The following CCDC88C variants were observed in gnomAD, a reference collection of about 807,000 sequenced individuals.
CCDC88C encodes protein Daple.
A neutral mutation model predicts 198.8 loss-of-function variants in CCDC88C; 131 were observed. That is an observed-to-expected ratio of 0.66 (90% CI 0.57 to 0.76). The LOEUF (loss-of-function observed/expected upper bound fraction) is 0.76. Among genes scored for constraint, CCDC88C ranks in the 30% least tolerant of loss-of-function variants. The probability of loss-of-function intolerance (pLI) is 0.00; values close to 1 mark genes in which losing one functional copy is unlikely to be tolerated. For missense variants in CCDC88C, 2,553 were observed against 2,631.6 expected, an observed-to-expected ratio of 0.97 and a Z score of 0.65; for synonymous variants, 1,166 against 1,114.7, an observed-to-expected ratio of 1.05 and a Z score of -0.92.
At chr14:91,336,916 T>C (rs769606587) in intron 10 of CCDC88C, among the ~76,000 whole-genome samples, 1 of 152,222 alleles carries the variant, frequency 6.6e-6, no homozygotes, top group Non-Finnish European at 1.5e-5. Context: ...GAGAGGGCAA[T>C]ACGGTGCTCT....
At chr14:91,390,742 A>C (rs1209094715) in intron 3 of CCDC88C, among the ~76,000 whole-genome samples, 1 of 152,130 alleles carries the variant, frequency 6.6e-6, no homozygotes, top group Non-Finnish European at 1.5e-5. Flanking sequence ...GTTACAAAGA[A>C]AAAAAAACCC....
intron 4 of CCDC88C, among the ~76,000 whole-genome samples, chr14:91,354,641 G>A (rs1893963226): frequency 6.6e-6 from 1 of 152,168 alleles, no homozygotes; most frequent in Non-Finnish European, 1.5e-5. Context: ...GGTAACACCT[G>A]TCAGGGGCCC....
Position 91,275,480 on chromosome 14 carries a change from C to CTT in CCDC88C, c.5059-1829_5059-1828dup, listed in dbSNP as rs530413081. Among the ~76,000 whole-genome samples, 337 of 143,452 alleles carry CTT rather than the reference C, an allele frequency of 2.3e-3. 2 individuals carry two copies. Among genetic ancestry groups the CTT allele is most frequent in the African/African-American group, 8.3e-3 (327 of 39,194 alleles). 94.1% of individuals were successfully genotyped at this position (143,452 alleles called of 152,430 possible). A position where few individuals can be genotyped will look rare whatever the true frequency, so the allele number is the denominator to read the frequency against. On this transcript the variant is annotated intron_variant, in intron 29 of 29. Coordinates refer to ENST00000389857, the MANE Select transcript of CCDC88C (RefSeq NM_001080414.4). ...TGTTCAGTCCATTAGACCAGCAGTT[C>CTT]TTTTTTTTTTTTTTGGAGACAGAGT...
At chr14:91,397,069 T>C (rs1567121031) in intron 3 of CCDC88C, among the ~76,000 whole-genome samples, 1 of 151,768 alleles carries the variant, frequency 6.6e-6, no homozygotes, top group Non-Finnish European at 1.5e-5. Context: ...ATACTTGACA[T>C]GGTAAGATAA....
chr14:91,341,278 G>C (rs1189744126), intron 6 of CCDC88C, among the ~76,000 whole-genome samples: 7 of 152,196 alleles, frequency 4.6e-5, no homozygotes, highest in Non-Finnish European at 1.0e-4. Flanking sequence ...CGGGGCCTCT[G>C]TAAAGGGTGG....
chr14:91,411,336 A>G (rs965092297), intron 2 of CCDC88C, among the ~76,000 whole-genome samples: 4 of 152,214 alleles, frequency 2.6e-5, no homozygotes, highest in African/African-American at 9.7e-5. Flanking sequence ...TCTCATCTGC[A>G]AAATGGCTAC....
At chr14:91,348,202 C>T (rs1893633674) in intron 4 of CCDC88C, among the ~76,000 whole-genome samples, 1 of 151,888 alleles carries the variant, frequency 6.6e-6, no homozygotes, top group African/African-American at 2.4e-5. Context: ...GATGGGGTTT[C>T]ACCATGTTGG....
intron 3 of CCDC88C, chr14:91,384,257 C>T (rs796962876): frequency 7.3e-5 from 26 of 356,952 alleles, no homozygotes; most frequent in African/African-American, 5.1e-4. Context: ...ATCAACATAG[C>T]GAGACCCCCA....
intron 23 of CCDC88C, among the ~76,000 whole-genome samples, chr14:91,293,401 TTCCTGCCCCCTCACCTGCCACGGCC>T (rs1567055170): frequency 3.6e-4 from 9 of 24,816 alleles, no homozygotes; most frequent in Middle Eastern, 0.028. Context: ...ACAGCCCACC[TTCCTGCCCCCTCACCTGCCACGGCC>T]CACCTTCCCG....
At chr14:91,411,575 T>C (rs1037771462) in intron 2 of CCDC88C, among the ~76,000 whole-genome samples, 4 of 152,098 alleles carry the variant, frequency 2.6e-5, no homozygotes, top group African/African-American at 7.2e-5. Flanking sequence ...ACGACATAAA[T>C]ATGGTAGCTG....
At chr14:91,415,816 A>T (rs1271996312) in intron 2 of CCDC88C, among the ~76,000 whole-genome samples, 1 of 152,176 alleles carries the variant, frequency 6.6e-6, no homozygotes, top group Non-Finnish European at 1.5e-5. Flanking sequence ...GCCAAAGCAA[A>T]CTGCTCCTCT....
chr14:91,384,805 C>T (rs370067602), intron 3 of CCDC88C, among the ~76,000 whole-genome samples: 3 of 152,188 alleles, frequency 2.0e-5, no homozygotes, highest in Non-Finnish European at 2.9e-5. Flanking sequence ...AGTCCTCCCC[C>T]ACTCCCTTCC....
intron 3 of CCDC88C, among the ~76,000 whole-genome samples, chr14:91,360,722 C>T (rs973768308): frequency 2.6e-5 from 4 of 152,234 alleles, no homozygotes; most frequent in Admixed American, 1.3e-4. Context: ...CATGCCCGCT[C>T]GTCTGGGTAC....
chr14:91,289,532 C>A (rs1890571872), intron 24 of CCDC88C, among the ~76,000 whole-genome samples, 189 bp from the exon 25 acceptor site: 1 of 152,140 alleles, frequency 6.6e-6, no homozygotes. Flanking sequence ...GAACTTAATT[C>A]TCAGTTTGGC....
intron 4 of CCDC88C, among the ~76,000 whole-genome samples, chr14:91,348,925 A>AT (rs990852499): frequency 2.6e-5 from 4 of 151,922 alleles, no homozygotes; most frequent in Non-Finnish European, 4.4e-5. Context: ...TTCCTACAAA[A>AT]TTTTTTTTTA....
At chr14:91,342,844 G>A (rs1893365701) in intron 5 of CCDC88C, among the ~76,000 whole-genome samples, 1 of 152,226 alleles carries the variant, frequency 6.6e-6, no homozygotes, top group Admixed American at 6.5e-5. Context: ...AAGCCAGATG[G>A]TAAATATTTT....
intron 10 of CCDC88C, among the ~76,000 whole-genome samples, chr14:91,328,156 A>C (rs1472685586): frequency 1.3e-5 from 2 of 152,190 alleles, no homozygotes; most frequent in African/African-American, 4.8e-5. Flanking sequence ...ACCTTAAAGA[A>C]CTCAGAGACT....
At position 91,317,693 on chromosome 14, in the gene CCDC88C, C is replaced by G. The variant is rs114204581; in HGVS notation, c.1528-1906G>C. On this transcript the variant is annotated intron_variant, in intron 13 of 29. Coordinates refer to ENST00000389857, the MANE Select transcript of CCDC88C (RefSeq NM_001080414.4). ...TTCAGACACAGGACAGCCCTGCCTG[C>G]AAACAGCGGCCCCTCCCTTCCGGCG... is the stretch of plus-strand genomic sequence containing the variant. Among the ~76,000 whole-genome samples the G allele has an allele frequency of 8.6e-3, 1,314 of 152,346 alleles. 23 individuals are homozygous for G. Among genetic ancestry groups the G allele is most frequent in the African/African-American group, 0.029 (1,195 of 41,576 alleles).
At chr14:91,318,715 G>A (rs562948790) in intron 13 of CCDC88C, among the ~76,000 whole-genome samples, 4 of 151,776 alleles carry the variant, frequency 2.6e-5, no homozygotes, top group Non-Finnish European at 5.9e-5. Context: ...CCTGAAGTCA[G>A]GAGACCAGCC....
Sources: allele counts gnomAD v4.1 joint callset (sites outside exome capture counted in the v4.1 genomes callset), GRCh38; gene constraint gnomAD v4.1.1; transcripts MANE v1.5; gene names NCBI Gene and HGNC (gene_info 2026-07-23, HGNC 2026-07-21).